GRIK2: variants seen among roughly 807,000 people sequenced by gnomAD.
The protein encoded by GRIK2 is glutamate ionotropic receptor kainate type subunit 2.
In GRIK2, 32 loss-of-function variants were observed where a neutral mutation model predicts 100.3. The observed-to-expected ratio is 0.32, with a 90% confidence interval of 0.24 to 0.43. The LOEUF (loss-of-function observed/expected upper bound fraction) is 0.43, where lower values mean the gene tolerates loss of function less well. GRIK2 is among the 20% of genes least tolerant of loss of function. The probability of loss-of-function intolerance (pLI) is 1.00; values close to 1 mark genes in which losing one functional copy is unlikely to be tolerated. For synonymous variants in GRIK2, 417 were observed against 389.4 expected (o/e 1.07, Z -0.83); for missense variants, 843 against 1,114.9 (o/e 0.76, Z 3.47).
intron 10 of GRIK2, among the ~76,000 whole-genome samples, chr6:101,827,472 A>AAAAAC (rs1172912975): frequency 6.9e-6 from 1 of 144,866 alleles, no homozygotes; most frequent in Non-Finnish European, 1.5e-5. Flanking sequence ...ATTGGATTAA[A>AAAAAC]AAAACAAAAC....
rs1223265404 is a variant in GRIK2 at position 101,910,444 on chromosome 6, T to C, written c.1749-14157T>C. Among the ~76,000 whole-genome samples, 4 of 151,280 alleles carry C rather than the reference T, an allele frequency of 2.6e-5. No individual in the cohort carries two copies. The East Asian group carries it at 5.8e-4, about 22-fold the overall frequency. ...ATAAGTAATAACATAAGAAAAAATA[T>C]ATTCTTCCATTCTTAAAGTGAAAGG... is the stretch of plus-strand genomic sequence containing the variant. On this transcript the variant is annotated intron_variant, in intron 12 of 16. Transcript: ENST00000369134.
At chr6:101,523,781 A>G (rs182857849) in intron 2 of GRIK2, among the ~76,000 whole-genome samples, 13 of 144,014 alleles carry the variant, frequency 9.0e-5, no homozygotes, top group Admixed American at 2.9e-4. Flanking sequence ...ATGCAGTGGC[A>G]TTATCTGGGC....
chr6:101,829,677 A>G (rs754158410), intron 10 of GRIK2, among the ~76,000 whole-genome samples: 5 of 152,066 alleles, frequency 3.3e-5, no homozygotes, highest in Non-Finnish European at 5.9e-5. Flanking sequence ...CTAGGAATAC[A>G]CCTAATTAAA....
At chr6:101,970,207 A>ACT (rs1554184959) in intron 14 of GRIK2, among the ~76,000 whole-genome samples, 1 of 149,504 alleles carries the variant, frequency 6.7e-6, no homozygotes, top group Non-Finnish European at 1.5e-5. Context: ...CAGAGTAATG[A>ACT]TTTTTTTTTT....
intron 12 of GRIK2, among the ~76,000 whole-genome samples, chr6:101,904,930 T>G (rs2082820698): frequency 6.6e-6 from 1 of 151,554 alleles, no homozygotes; most frequent in African/African-American, 2.4e-5. Context: ...ATTATAATCT[T>G]TTTGTTGGAG....
intron 10 of GRIK2, among the ~76,000 whole-genome samples, chr6:101,853,334 A>T (rs1236552477): frequency 6.6e-6 from 1 of 152,326 alleles, no homozygotes; most frequent in Non-Finnish European, 1.5e-5. Context: ...CATATGAAAA[A>T]ATGCTTAACA....
chr6:101,593,551 C>A (rs1401635440), intron 2 of GRIK2, among the ~76,000 whole-genome samples: 1 of 151,798 alleles, frequency 6.6e-6, no homozygotes, highest in Non-Finnish European at 1.5e-5. Context: ...TCCTCTCTCA[C>A]AATATTATAA....
intron 2 of GRIK2, among the ~76,000 whole-genome samples, chr6:101,436,627 T>C (rs1444240413): frequency 6.6e-6 from 1 of 152,104 alleles, no homozygotes; most frequent in African/African-American, 2.4e-5. Flanking sequence ...ATTTGGGGAA[T>C]TGGTATCTTC....
chr6:101,658,985 C>T (rs569510581), intron 4 of GRIK2, among the ~76,000 whole-genome samples: 34 of 152,272 alleles, frequency 2.2e-4, no homozygotes, highest in Non-Finnish European at 4.0e-4. Flanking sequence ...TGCCTGTTCA[C>T]TCTGATTATA....
At chr6:101,679,085 C>T (rs562598378) in intron 5 of GRIK2, among the ~76,000 whole-genome samples, 1 of 152,096 alleles carries the variant, frequency 6.6e-6, no homozygotes, top group African/African-American at 2.4e-5. Flanking sequence ...AGTAAAACCT[C>T]ACAAGGACAT....
chr6:101,975,731 GT>G (rs886642047), intron 14 of GRIK2, among the ~76,000 whole-genome samples: 4 of 151,932 alleles, frequency 2.6e-5, no homozygotes, highest in Non-Finnish European at 4.4e-5. Flanking sequence ...GAGTCAGGTA[GT>G]TTTTAGGCCA....
At chr6:101,864,725 A>G (rs765043528) in intron 11 of GRIK2, among the ~76,000 whole-genome samples, 76 of 152,292 alleles carry the variant, frequency 5.0e-4, no homozygotes, top group Non-Finnish European at 7.8e-4. Context: ...TATTTTGTCT[A>G]TTCAACCCCA....
intron 8 of GRIK2, among the ~76,000 whole-genome samples, chr6:101,801,540 G>A (rs1477904879): frequency 6.6e-6 from 1 of 151,432 alleles, no homozygotes; most frequent in Non-Finnish European, 1.5e-5. Flanking sequence ...ACTTCTTTTG[G>A]GTCTTGGTTA....
At chr6:101,544,992 G>A (rs1349962088) in intron 2 of GRIK2, among the ~76,000 whole-genome samples, 1 of 152,044 alleles carries the variant, frequency 6.6e-6, no homozygotes, top group African/African-American at 2.4e-5. Context: ...AGGATGGATC[G>A]CCACATATAT....
At chr6:101,955,035 T>A (rs1349159368) in intron 14 of GRIK2, among the ~76,000 whole-genome samples, 3 of 152,300 alleles carry the variant, frequency 2.0e-5, no homozygotes, top group East Asian at 3.9e-4. Flanking sequence ...AACCTCACAT[T>A]ATTTAATTAA....
intron 14 of GRIK2, among the ~76,000 whole-genome samples, chr6:101,952,913 C>CATTTGAATGTGTT (rs1158181661): frequency 1.3e-5 from 2 of 152,152 alleles, no homozygotes; most frequent in Non-Finnish European, 2.9e-5. Flanking sequence ...TGAAAATAAA[C>CATTTGAATGTGTT]CATGTACTCA....
At chr6:101,663,146 A>G (rs554923060) in intron 4 of GRIK2, among the ~76,000 whole-genome samples, 24 of 152,312 alleles carry the variant, frequency 1.6e-4, no homozygotes, top group Non-Finnish European at 3.1e-4. Context: ...ATCAATGTCA[A>G]CGTTAAATCA....
intron 2 of GRIK2, among the ~76,000 whole-genome samples, chr6:101,595,299 A>T (rs1778865839): frequency 6.6e-6 from 1 of 151,708 alleles, no homozygotes; most frequent in Non-Finnish European, 1.5e-5. Context: ...AGGACCAGGT[A>T]GTTACAGACT....
chr6:101,831,474 T>C (rs1782691569), intron 10 of GRIK2, among the ~76,000 whole-genome samples: 1 of 152,220 alleles, frequency 6.6e-6, no homozygotes, highest in Non-Finnish European at 1.5e-5. Flanking sequence ...GAATTCAGGC[T>C]TGAAGAGCCA....
Sources: gnomAD v4.1 joint callset for allele counts (sites outside exome capture counted in the v4.1 genomes callset) on GRCh38, gnomAD v4.1.1 for gene constraint, MANE v1.5 for transcripts, NCBI Gene and HGNC (gene_info 2026-07-23, HGNC 2026-07-21) for gene names.